The following PAK5 variants were observed in gnomAD, a reference collection of about 807,000 sequenced individuals.
PAK5 encodes the protein serine/threonine-protein kinase PAK 5.
A neutral mutation model predicts 65.9 loss-of-function variants in PAK5; 16 were observed. The observed-to-expected ratio is 0.24, with a 90% CI of 0.16 to 0.37. PAK5 has a LOEUF of 0.37. Ranked by LOEUF, PAK5 falls within the 10% of genes least tolerant of loss-of-function variation. The pLI, the probability that PAK5 is intolerant of heterozygous loss-of-function variation, is 1.00. For missense variants in PAK5, 785 were observed against 903.9 expected, an observed-to-expected ratio of 0.87 and a Z score of 1.69; for synonymous variants, 371 against 354.9, an observed-to-expected ratio of 1.05 and a Z score of -0.51.
At chr20:9,593,308 GAA>G (rs201745010) in intron 3 of PAK5, among the ~76,000 whole-genome samples, 1 of 150,108 alleles carries the variant, frequency 6.7e-6, no homozygotes, top group African/African-American at 2.4e-5. Context: ...TGTATCAAAA[GAA>G]AAAAAAAGAG....
At chr20:9,746,937 G>C (rs993961974) in intron 1 of PAK5, among the ~76,000 whole-genome samples, 3 of 152,072 alleles carry the variant, frequency 2.0e-5, no homozygotes, top group Non-Finnish European at 4.4e-5. Flanking sequence ...TAGACCACTA[G>C]CAAGATTAAC....
At chr20:9,577,422 C>G (rs6140968) in intron 4 of PAK5, 3 of 151,856 alleles carry the variant, frequency 2.0e-5, no homozygotes, top group Non-Finnish European at 1.5e-5. Flanking sequence ...TGTACACACA[C>G]ATGACCCTCC....
chr20:9,739,652 C>T (rs1454584261), intron 1 of PAK5, among the ~76,000 whole-genome samples: 1 of 152,090 alleles, frequency 6.6e-6, no homozygotes, highest in Non-Finnish European at 1.5e-5. Flanking sequence ...AACTTTTTCT[C>T]AGGGGTCAGA....
At chr20:9,778,992 G>C (rs1455633698) in intron 1 of PAK5, among the ~76,000 whole-genome samples, 2 of 151,952 alleles carry the variant, frequency 1.3e-5, no homozygotes, top group African/African-American at 4.8e-5. Flanking sequence ...TACTTTTCTA[G>C]GTATTATGAT....
intron 1 of PAK5, among the ~76,000 whole-genome samples, chr20:9,759,039 T>C (rs961657529): frequency 2.6e-5 from 4 of 152,092 alleles, no homozygotes; most frequent in Non-Finnish European, 5.9e-5. Context: ...TATGCACTAA[T>C]GTAATATTTG....
At chr20:9,546,572 A>T (rs138505521) in intron 7 of PAK5, among the ~76,000 whole-genome samples, 58 of 152,334 alleles carry the variant, frequency 3.8e-4, no homozygotes, top group African/African-American at 1.4e-3. Context: ...AATATGAAAT[A>T]CTGGGCACCT....
chr20:9,717,415 C>G (rs928651557), intron 1 of PAK5, among the ~76,000 whole-genome samples: 1 of 152,066 alleles, frequency 6.6e-6, no homozygotes, highest in African/African-American at 2.4e-5. Flanking sequence ...AAAAAATTAG[C>G]GTGCATTTTT....
chr20:9,679,942 G>GT (rs1369648321), intron 2 of PAK5, among the ~76,000 whole-genome samples: 3 of 152,154 alleles, frequency 2.0e-5, no homozygotes, highest in African/African-American at 7.2e-5. Flanking sequence ...GGTCCTCTGG[G>GT]TTCTTTGGAC....
chr20:9,664,270 G>T (rs2047383684), intron 2 of PAK5, among the ~76,000 whole-genome samples: 1 of 151,804 alleles, frequency 6.6e-6, no homozygotes, highest in African/African-American at 2.4e-5. Context: ...AAGGAACTCA[G>T]CATTTCCTTT....
chr20:9,553,316 C>T (rs575638777), intron 7 of PAK5, among the ~76,000 whole-genome samples: 1 of 152,188 alleles, frequency 6.6e-6, no homozygotes, highest in South Asian at 2.1e-4. Flanking sequence ...GAGCTTGATC[C>T]TGCTGAAGAA....
rs199976502 is a variant in PAK5, at chr20:9,539,598, C to A, written c.2024G>T (p.Gly675Val). ...CCTCACCAACATCAAGTCTAGGAAT[C>A]CCCGGAGCACTGAAGAAACCTGTGA... is the stretch of plus-strand genomic sequence containing the variant. Reference protein sequence around the residue: ...DLHKVSSVLRGFLDLMLVREP... With the variant: ...DLHKVSSVLRVFLDLMLVREP... Residue 675 changes from glycine to valine, a missense_variant, in exon 10 of 10, where the codon GGA becomes GTA. Physicochemically the swap from Gly to Val is moderately radical, Grantham distance 109. Coordinates refer to ENST00000353224, the MANE Select transcript of PAK5 (RefSeq NM_177990.4). 1.2e-5 allele frequency: 19 copies of A among 1,613,306 alleles called. No individual in the cohort carries two copies. The highest frequency in any genetic ancestry group is 1.4e-5 in the Non-Finnish European group (17 of 1,179,932).
In PAK5 at chr20:9,537,697, C is replaced by T. The variant is rs1395928642; in HGVS notation, c.*1765G>A. The T allele has an allele frequency of 5.5e-5, 12 of 219,758 alleles. No homozygotes were observed. The highest frequency in any genetic ancestry group is 8.2e-5 in the Non-Finnish European group (9 of 109,648). The allele number at this position is 219,758 out of a possible 1,614,324, so 13.6% of individuals were successfully genotyped here. ...TCTGTCTCATGAACATTTAGGACTG[C>T]CATTTTCTGGATTTAGATTGTTTTT... On this transcript the variant is annotated 3_prime_UTR_variant, in exon 10 of 10. Transcript: ENST00000353224.
At chr20:9,707,286 T>C (rs994155485) in intron 2 of PAK5, among the ~76,000 whole-genome samples, 1 of 152,056 alleles carries the variant, frequency 6.6e-6, no homozygotes, top group Non-Finnish European at 1.5e-5. Flanking sequence ...GCTCAGTTAA[T>C]TTATTTTTTG....
chr20:9,835,138 G>C (rs1296901767), intron 1 of PAK5, among the ~76,000 whole-genome samples: 1 of 152,180 alleles, frequency 6.6e-6, no homozygotes, highest in Admixed American at 6.5e-5. Context: ...GTTGGCACAG[G>C]AAAATGCTAT....
intron 2 of PAK5, among the ~76,000 whole-genome samples, chr20:9,653,918 T>C (rs1309300079): frequency 1.3e-5 from 2 of 151,990 alleles, no homozygotes; most frequent in Non-Finnish European, 2.9e-5. Flanking sequence ...TCTCTGACTG[T>C]TATTCCATCT....
In PAK5 at chr20:9,563,036, G is replaced by C; in HGVS notation, c.1483-12C>G. The C allele has an allele frequency of 6.2e-7, 1 of 1,611,464 alleles. No homozygotes were observed. Among genetic ancestry groups the C allele is most frequent in the Non-Finnish European group, 8.5e-7 (1 of 1,178,554 alleles). Reference sequence around the variant, plus strand: ...CGCATGATCACGACCTGGGGAAACGGGAAATATACTTTTGACTTGTGAAGA... The same window carrying C: ...CGCATGATCACGACCTGGGGAAACGCGAAATATACTTTTGACTTGTGAAGA... On this transcript the variant is annotated splice_polypyrimidine_tract_variant and intron_variant, in intron 5 of 9. Transcript: ENST00000353224.
At chr20:9,804,547 C>T (rs577501214) in intron 1 of PAK5, among the ~76,000 whole-genome samples, 191 of 152,148 alleles carry the variant, frequency 1.3e-3, no homozygotes, top group African/African-American at 4.1e-3. Context: ...CCACCTCATA[C>T]AATATACAAA....
chr20:9,639,771 T>C (rs919255990), intron 3 of PAK5, among the ~76,000 whole-genome samples: 2 of 152,236 alleles, frequency 1.3e-5, no homozygotes, highest in African/African-American at 2.4e-5. Context: ...TGAGGAAATC[T>C]TGCTCCAACT....
chr20:9,628,028 T>C (rs554153401), intron 3 of PAK5, among the ~76,000 whole-genome samples: 14 of 152,336 alleles, frequency 9.2e-5, no homozygotes, highest in African/African-American at 3.4e-4. Flanking sequence ...GATGAAGACA[T>C]ACATGTATAA....
Sources: gnomAD v4.1 joint callset for allele counts (sites outside exome capture counted in the v4.1 genomes callset) on GRCh38, gnomAD v4.1.1 for gene constraint, MANE v1.5 for transcripts, NCBI Gene and HGNC (gene_info 2026-07-23, HGNC 2026-07-21) for gene names.